The following QTMAN variants were observed in gnomAD, a reference collection of about 807,000 sequenced individuals.
QTMAN encodes tRNA-queuosine alpha-mannosyltransferase.
the QTMAN span, among the ~76,000 whole-genome samples, chr2:144,218,439 G>A: frequency 6.6e-6 from 1 of 152,054 alleles, no homozygotes; most frequent in African/African-American, 2.4e-5. Flanking sequence ...CATTACACTG[G>A]CATTTTTTAT....
At chr2:144,080,058 T>G in the QTMAN span, among the ~76,000 whole-genome samples, 5 of 152,088 alleles carry the variant, frequency 3.3e-5, no homozygotes, top group Non-Finnish European at 7.4e-5. Context: ...AGATGCTTGT[T>G]TATATACCAA....
chr2:144,118,901 T>C, the QTMAN span, among the ~76,000 whole-genome samples: 2 of 151,822 alleles, frequency 1.3e-5, no homozygotes, highest in Non-Finnish European at 2.9e-5. Flanking sequence ...AATAAATAAA[T>C]AAAATTTAAA....
At chr2:144,159,521 C>A in the QTMAN span, among the ~76,000 whole-genome samples, 2 of 151,926 alleles carry the variant, frequency 1.3e-5, no homozygotes, top group Non-Finnish European at 2.9e-5. Flanking sequence ...TCAAGTTCAA[C>A]TAAAGAAATA....
the QTMAN span, among the ~76,000 whole-genome samples, chr2:143,967,333 A>ATT: frequency 2.8e-5 from 4 of 144,606 alleles, no homozygotes; most frequent in African/African-American, 5.0e-5. Flanking sequence ...ATAGTATATA[A>ATT]TTTTTTTTTT....
At chr2:144,277,897 A>G in the QTMAN span, among the ~76,000 whole-genome samples, 1 of 152,176 alleles carries the variant, frequency 6.6e-6, no homozygotes, top group Non-Finnish European at 1.5e-5. Flanking sequence ...CTAGAAAGCT[A>G]AAGTATACTT....
chr2:144,176,024 A>G, the QTMAN span, among the ~76,000 whole-genome samples: 2 of 152,178 alleles, frequency 1.3e-5, no homozygotes, highest in African/African-American at 4.8e-5. Context: ...GAGAACTTCA[A>G]TATTATTTTA....
chr2:143,977,807 C>T, the QTMAN span, among the ~76,000 whole-genome samples: 1 of 152,082 alleles, frequency 6.6e-6, no homozygotes, highest in African/African-American at 2.4e-5. Flanking sequence ...GCCATCTGCA[C>T]ATTCATATTC....
the QTMAN span, among the ~76,000 whole-genome samples, chr2:144,114,197 G>T: frequency 6.6e-6 from 1 of 152,156 alleles, no homozygotes; most frequent in Non-Finnish European, 1.5e-5. Context: ...TTAAAATACT[G>T]ATTGATAAAT....
At chr2:144,208,107 C>G in the QTMAN span, among the ~76,000 whole-genome samples, 2 of 152,126 alleles carry the variant, frequency 1.3e-5, no homozygotes, top group Non-Finnish European at 2.9e-5. Context: ...TCTACTCACC[C>G]TTCAAGAATA....
the QTMAN span, among the ~76,000 whole-genome samples, chr2:144,029,003 T>C: frequency 6.6e-6 from 1 of 152,164 alleles, no homozygotes; most frequent in Admixed American, 6.5e-5. Context: ...TAGAATCAAA[T>C]TGCCTTGGAC....
At chr2:144,313,891 T>G in the QTMAN span, among the ~76,000 whole-genome samples, 2 of 151,932 alleles carry the variant, frequency 1.3e-5, no homozygotes, top group African/African-American at 4.8e-5. Flanking sequence ...CAAACCAATA[T>G]TCTTGGTACA....
At chr2:144,242,295 C>A in the QTMAN span, among the ~76,000 whole-genome samples, 1 of 151,164 alleles carries the variant, frequency 6.6e-6, no homozygotes, top group Non-Finnish European at 1.5e-5. Flanking sequence ...AAATATGAAC[C>A]AAGGGTTATG....
chr2:144,024,690 A>G, the QTMAN span, among the ~76,000 whole-genome samples: 1 of 152,218 alleles, frequency 6.6e-6, no homozygotes, highest in Non-Finnish European at 1.5e-5. Flanking sequence ...CCTGCTATGC[A>G]GTATTATTAG....
the QTMAN span, among the ~76,000 whole-genome samples, chr2:143,969,669 A>T: frequency 1.3e-5 from 2 of 152,232 alleles, no homozygotes; most frequent in African/African-American, 4.8e-5. Context: ...CAGCGAAAGA[A>T]AATGCCCCTG....
At chr2:144,006,029 G>T in the QTMAN span, 2 of 152,154 alleles carry the variant, frequency 1.3e-5, no homozygotes, top group South Asian at 2.1e-4. Context: ...CTTGAAACAG[G>T]TTAATCTCAT....
At chr2:144,016,134 C>A in the QTMAN span, among the ~76,000 whole-genome samples, 864 of 152,224 alleles carry the variant, frequency 5.7e-3, 22 homozygotes, top group Admixed American at 0.035. Flanking sequence ...TATTTAAGAT[C>A]CTTCTATGTG....
At chr2:144,173,416 G>A in the QTMAN span, among the ~76,000 whole-genome samples, 5 of 152,224 alleles carry the variant, frequency 3.3e-5, no homozygotes, top group African/African-American at 9.6e-5. Context: ...CTTTGAGGAT[G>A]TAGGCAGACA....
At chr2:144,241,574 A>C in the QTMAN span, among the ~76,000 whole-genome samples, 2 of 151,860 alleles carry the variant, frequency 1.3e-5, no homozygotes, top group African/African-American at 4.8e-5. Context: ...ATTTAAACTC[A>C]AGTTTTTAAA....
At chr2:144,157,689 G>C in the QTMAN span, among the ~76,000 whole-genome samples, 2 of 151,850 alleles carry the variant, frequency 1.3e-5, no homozygotes, top group Admixed American at 1.3e-4. Flanking sequence ...TATTCATACT[G>C]AACAGGAAAG....
Sources: gnomAD v4.1 joint callset for allele counts (sites outside exome capture counted in the v4.1 genomes callset) on GRCh38, gnomAD v4.1.1 for gene constraint, MANE v1.5 for transcripts, NCBI Gene and HGNC (gene_info 2026-07-23, HGNC 2026-07-21) for gene names.